Variants in RFX2 observed in about 807,000 individuals in gnomAD.
RFX2 encodes the protein regulatory factor X2.
RFX2 carries 20 observed loss-of-function variants against 87.8 expected under a neutral mutation model. The ratio of observed to expected loss-of-function variants is 0.23; its 90% confidence interval spans 0.16 to 0.33. The LOEUF is 0.33. RFX2 is among the 10% of genes least tolerant of loss of function. RFX2 has a pLI of 1.00. For missense variants in RFX2, 767 were observed against 1,012.3 expected (o/e 0.76, Z 3.29); for synonymous variants, 397 against 431.3 (o/e 0.92, Z 0.98).
chr19:6,000,571 C>T (rs909924671), intron 15 of RFX2, among the ~76,000 whole-genome samples: 34 of 152,196 alleles, frequency 2.2e-4, no homozygotes, highest in African/African-American at 7.2e-4. Context: ...GTGCTGTTCT[C>T]TTGAGAGTGA....
At chr19:6,098,965 CAAAAAAAAAAAA>C (rs34110529) in intron 1 of RFX2, among the ~76,000 whole-genome samples, 52 of 52,798 alleles carry the variant, frequency 9.8e-4, no homozygotes, top group Middle Eastern at 0.011. Flanking sequence ...GCTTGAACCA[CAAAAAAAAAAAA>C]AAAAAAAAAA....
At chr19:6,105,524 T>A (rs2088203361) in intron 1 of RFX2, among the ~76,000 whole-genome samples, 1 of 152,028 alleles carries the variant, frequency 6.6e-6, no homozygotes, top group Admixed American at 6.6e-5. Context: ...GCAGATGAGA[T>A]GGGAGCCATC....
chr19:6,040,037 C>T lies in RFX2; in HGVS notation c.465G>A (p.Gly155=). Residue 155 remains glycine (G), a synonymous_variant, in exon 5 of 18, where the codon GGG becomes GGA. Transcript: ENST00000303657. The surrounding 1 kb of genome is among the most constrained non-coding windows in gnomAD (Gnocchi z 6.1). ...GGGAGTGTCTGGTGCTGTCCATCCC[C>T]CCGTGGATGAGATAGGCTCCCGCGC... The part of the protein sequence containing the change: ...VSSAGAYLIH[G]GMDSTRHSLA... 2 of 1,609,858 alleles carry T rather than the reference C, an allele frequency of 1.2e-6. No individual in the cohort carries two copies. The highest frequency in any genetic ancestry group is 1.7e-6 in the Non-Finnish European group (2 of 1,178,582).
Position 6,013,338 on chromosome 19 carries a change from A to G in RFX2, c.780-233T>C, listed in dbSNP as rs1054256918. ...GTAGCTGGGATGACAGGCGTGAGCCATAATGCCTAGCTTATTTTTGTATTT... is the reference window on the plus strand; with the variant it reads ...GTAGCTGGGATGACAGGCGTGAGCCGTAATGCCTAGCTTATTTTTGTATTT... On this transcript the variant is annotated intron_variant, in intron 7 of 17. Coordinates refer to ENST00000303657, the MANE Select transcript of RFX2 (RefSeq NM_000635.4). The surrounding 1 kb of genome is among the most constrained non-coding windows in gnomAD (Gnocchi z 4.1). 2.8e-4 allele frequency among the ~76,000 whole-genome samples: 43 copies of G among 152,030 alleles called. No individual in the cohort carries two copies. The highest frequency in any genetic ancestry group is 5.9e-5 in the Non-Finnish European group (4 of 67,980).
chr19:6,021,668 C>T lies in RFX2; in HGVS notation c.597+4495G>A, dbSNP rs1377939238. 2.0e-5 allele frequency among the ~76,000 whole-genome samples: 3 copies of T among 152,192 alleles called. No homozygotes were observed. Among genetic ancestry groups the T allele is most frequent in the African/African-American group, 4.8e-5 (2 of 41,450 alleles). ...CGAGCCTGGTGCATTGGAGGAATAG[C>T]GAGGAGGCCCGTGTGGCTGGAGCAC... On this transcript the variant is annotated intron_variant, in intron 6 of 17. Transcript: ENST00000303657. The surrounding 1 kb of genome is among the most constrained non-coding windows in gnomAD (Gnocchi z 5.7).
chr19:6,089,235 A>G (rs1274729191), intron 1 of RFX2, among the ~76,000 whole-genome samples: 1 of 152,226 alleles, frequency 6.6e-6, no homozygotes, highest in African/African-American at 2.4e-5. Flanking sequence ...AATGACAAAT[A>G]ACCACGCTAG....
At chr19:6,094,359 G>A (rs143473343) in intron 1 of RFX2, among the ~76,000 whole-genome samples, 1,585 of 152,240 alleles carry the variant, frequency 0.01, 9 homozygotes, top group Non-Finnish European at 0.016. Flanking sequence ...TGGTCACTAG[G>A]GAATTCTGGG....
In RFX2 at chr19:5,996,928, G is replaced by A. The variant is rs1438676650; in HGVS notation, c.2013+132C>T. On this transcript the variant is annotated intron_variant, in intron 16 of 17. Coordinates refer to ENST00000303657, the MANE Select transcript of RFX2 (RefSeq NM_000635.4). The stretch of plus-strand genomic sequence containing the variant: ...CCGTTTCTGTGGCTTGTTCTTTATC[G>A]AGCTGCAGCTCTGTCCGGGCGGCAG... The A allele has an allele frequency of 2.1e-5, 19 of 918,420 alleles. 1 individual carries two copies. The Admixed American group carries it at 3.7e-4, about 18-fold the overall frequency. 56.9% of individuals were successfully genotyped at this position (918,420 alleles called of 1,614,324 possible).
intron 1 of RFX2, among the ~76,000 whole-genome samples, chr19:6,103,806 AG>A (rs2088165686): frequency 6.6e-6 from 1 of 152,198 alleles, no homozygotes; most frequent in African/African-American, 2.4e-5. Context: ...CCGACCACTC[AG>A]TCAAGCAAGA....
In RFX2 at chr19:6,011,538, TC is replaced by T. The variant is rs1019362722; in HGVS notation, c.900-1288del. On this transcript the variant is annotated intron_variant, in intron 8 of 17. Coordinates refer to ENST00000303657, the MANE Select transcript of RFX2 (RefSeq NM_000635.4). This position sits in a 1 kb window ranked among gnomAD's most constrained non-coding sequence, Gnocchi z 4.8. ...TCCAAATGCAAATGGCATCAGCCTG[TC>T]CCCCTGAAATGTGTGTCGCTGCTCC... Among the ~76,000 whole-genome samples the T allele has an allele frequency of 2.0e-5, 3 of 152,164 alleles. No individual in the cohort carries two copies. The highest frequency in any genetic ancestry group is 7.2e-5 in the African/African-American group (3 of 41,442).
chr19:6,012,836 C>T lies in RFX2; in HGVS notation c.899+150G>A, dbSNP rs1310372693. 7.1e-6 allele frequency: 5 copies of T among 707,974 alleles called. No individual in the cohort carries two copies. Among genetic ancestry groups the T allele is most frequent in the Non-Finnish European group, 1.0e-5 (5 of 481,296 alleles). The allele number at this position is 707,974 out of a possible 1,614,324, so 43.9% of individuals were successfully genotyped here. Reference sequence around the variant, plus strand: ...AGCCTCCTGTGTCTCCTGCTAGACTCACCTCAGTCTCAGCAGAGGGGGATA... The same window carrying T: ...AGCCTCCTGTGTCTCCTGCTAGACTTACCTCAGTCTCAGCAGAGGGGGATA... On this transcript the variant is annotated intron_variant, in intron 8 of 17. Coordinates refer to ENST00000303657, the MANE Select transcript of RFX2 (RefSeq NM_000635.4). The surrounding 1 kb of genome is among the most constrained non-coding windows in gnomAD (Gnocchi z 4.6).
intron 1 of RFX2, among the ~76,000 whole-genome samples, chr19:6,095,820 G>A (rs1264321389): frequency 6.6e-6 from 1 of 152,186 alleles, no homozygotes; most frequent in African/African-American, 2.4e-5. Flanking sequence ...TGGCCCATGA[G>A]CTAAGAATGG....
intron 1 of RFX2, among the ~76,000 whole-genome samples, chr19:6,058,272 A>C (rs2087375484): frequency 6.6e-6 from 1 of 152,186 alleles, no homozygotes; most frequent in South Asian, 2.1e-4. Flanking sequence ...ACAACCACAG[A>C]TGTTCCCAGA....
At chr19:6,107,092 G>C (rs2088228339) in intron 1 of RFX2, among the ~76,000 whole-genome samples, 1 of 149,740 alleles carries the variant, frequency 6.7e-6, no homozygotes, top group Admixed American at 6.7e-5. Flanking sequence ...TCAGGAGATC[G>C]AGACCATCCT....
chr19:6,036,961 T>A (rs943013636), intron 5 of RFX2, among the ~76,000 whole-genome samples: 1 of 152,126 alleles, frequency 6.6e-6, no homozygotes, highest in Non-Finnish European at 1.5e-5. Context: ...GCAGTTATAT[T>A]TGCAGGCAAC....
At chr19:6,006,758 ATTT>A (rs766700053) in intron 12 of RFX2, among the ~76,000 whole-genome samples, 1 of 138,800 alleles carries the variant, frequency 7.2e-6, no homozygotes, top group Admixed American at 7.2e-5. Context: ...CCCCAGATAA[ATTT>A]TTTTTTTTTT....
In RFX2 at chr19:5,997,035, C is replaced by T; in HGVS notation, c.2013+25G>A. On this transcript the variant is annotated intron_variant, in intron 16 of 17. Transcript: ENST00000303657. This position sits in a 1 kb window ranked among gnomAD's most constrained non-coding sequence, Gnocchi z 4.2. Reference sequence around the variant, plus strand: ...CCCCACAGGCCCGGCCAAGCCCCGGCCGTCCCACCCAGGAGGGTCCTCACC... The same window carrying T: ...CCCCACAGGCCCGGCCAAGCCCCGGTCGTCCCACCCAGGAGGGTCCTCACC... 6.3e-7 allele frequency: 1 copy of T among 1,593,486 alleles called. No individual in the cohort carries two copies.
At chr19:6,035,977 G>A (rs1451680912) in intron 5 of RFX2, among the ~76,000 whole-genome samples, 6 of 152,054 alleles carry the variant, frequency 3.9e-5, no homozygotes, top group African/African-American at 1.4e-4. Context: ...GCTCCAGGGT[G>A]GTGGCCCAGG....
At chr19:6,060,053 A>G (rs899959799) in intron 1 of RFX2, among the ~76,000 whole-genome samples, 1 of 152,084 alleles carries the variant, frequency 6.6e-6, no homozygotes, top group African/African-American at 2.4e-5. Flanking sequence ...TCCTTGCAAG[A>G]TTCCATTCTA....
Sources: gnomAD v4.1 joint callset for allele counts (sites outside exome capture counted in the v4.1 genomes callset) on GRCh38, gnomAD v4.1.1 for gene constraint, Gnocchi (gnomAD v3.1) non-coding constraint, MANE v1.5 for transcripts, NCBI Gene and HGNC (gene_info 2026-07-23, HGNC 2026-07-21) for gene names.